The following ANGPT1 variants were observed in gnomAD, a reference collection of about 807,000 sequenced individuals.
ANGPT1 encodes angiopoietin 1, also known as angiopoietin-1.
Under a neutral mutation model 62.2 loss-of-function variants are expected in ANGPT1, and 17 were observed. The ratio of observed to expected loss-of-function variants is 0.27; its 90% confidence interval spans 0.19 to 0.41. ANGPT1 has a LOEUF of 0.41. Among genes scored for constraint, ANGPT1 ranks in the 10% least tolerant of loss-of-function variants. The pLI is 1.00. For synonymous variants in ANGPT1, 199 were observed against 198.9 expected (o/e 1.00, Z 0.00); for missense variants, 478 against 594.9 (o/e 0.80, Z 2.04).
chr8:107,274,951 A>G (rs889507121), intron 7 of ANGPT1, among the ~76,000 whole-genome samples: 1 of 152,122 alleles, frequency 6.6e-6, no homozygotes, highest in African/African-American at 2.4e-5. Flanking sequence ...TCTGATAAAG[A>G]CATGCCCAGA....
chr8:107,354,337 G>T (rs948763130), intron 1 of ANGPT1, among the ~76,000 whole-genome samples: 5 of 151,988 alleles, frequency 3.3e-5, no homozygotes, highest in Admixed American at 2.6e-4. Context: ...AGCACATTCA[G>T]CCAGGAGTCA....
At chr8:107,405,655 A>G (rs1236781944) in intron 1 of ANGPT1, among the ~76,000 whole-genome samples, 1 of 151,992 alleles carries the variant, frequency 6.6e-6, no homozygotes, top group Non-Finnish European at 1.5e-5. Flanking sequence ...CAAATATTCC[A>G]AAATCAGAAA....
intron 1 of ANGPT1, among the ~76,000 whole-genome samples, chr8:107,395,753 C>T (rs886530670): frequency 2.0e-5 from 3 of 152,068 alleles, no homozygotes; most frequent in African/African-American, 7.2e-5. Context: ...TTCACTTTAA[C>T]TTTGTCAGTT....
chr8:107,388,447 A>C (rs1292511846), intron 1 of ANGPT1, among the ~76,000 whole-genome samples: 1 of 152,098 alleles, frequency 6.6e-6, no homozygotes, highest in East Asian at 1.9e-4. Flanking sequence ...AAATAAATAA[A>C]TAAATAAAAC....
intron 1 of ANGPT1, among the ~76,000 whole-genome samples, chr8:107,458,084 A>G (rs560495181): frequency 6.6e-6 from 1 of 152,292 alleles, no homozygotes; most frequent in African/African-American, 2.4e-5. Context: ...AGTTGGGATT[A>G]CAACAATTAT....
chr8:107,361,753 G>A (rs1816170963), intron 1 of ANGPT1, among the ~76,000 whole-genome samples: 1 of 151,818 alleles, frequency 6.6e-6, no homozygotes, highest in South Asian at 2.1e-4. Context: ...AACACGGAAT[G>A]GTAGTTTAAA....
At chr8:107,430,943 G>GA (rs1811169707) in intron 1 of ANGPT1, among the ~76,000 whole-genome samples, 2 of 152,216 alleles carry the variant, frequency 1.3e-5, no homozygotes, top group Non-Finnish European at 2.9e-5. Flanking sequence ...CATATTCTTA[G>GA]AAAAGGCAGC....
chr8:107,483,874 T>C (rs1051141190), intron 1 of ANGPT1, among the ~76,000 whole-genome samples: 2 of 152,332 alleles, frequency 1.3e-5, no homozygotes, highest in East Asian at 3.9e-4. Flanking sequence ...AGCTCATTTA[T>C]TTAAAAAGAA....
chr8:107,251,806 T>G lies in ANGPT1; in HGVS notation c.*49A>C. ...TTCAAACAGTTTCTCACCTGGCAGC[T>G]TCTCCGGATTTCTTTGTTGCTTTCA... is the stretch of plus-strand genomic sequence containing the variant. On this transcript the variant is annotated 3_prime_UTR_variant, in exon 9 of 9. Coordinates refer to ENST00000517746, the MANE Select transcript of ANGPT1 (RefSeq NM_001146.5). 1 of 1,605,768 alleles carries G rather than the reference T, an allele frequency of 6.2e-7. No individual in the cohort carries two copies. Among genetic ancestry groups the G allele is most frequent in the South Asian group, 1.1e-5 (1 of 90,418 alleles).
At chr8:107,462,384 T>C (rs754861361) in intron 1 of ANGPT1, among the ~76,000 whole-genome samples, 48 of 151,386 alleles carry the variant, frequency 3.2e-4, no homozygotes, top group Admixed American at 1.6e-3. Flanking sequence ...ACTAGACAAT[T>C]TGGTTCAGCC....
At chr8:107,309,343 A>C (rs1814794732) in intron 4 of ANGPT1, among the ~76,000 whole-genome samples, 1 of 152,222 alleles carries the variant, frequency 6.6e-6, no homozygotes, top group Non-Finnish European at 1.5e-5. Flanking sequence ...TCAACACAAC[A>C]GGTCACTGAA....
At chr8:107,267,657 A>T (rs900394764) in intron 7 of ANGPT1, among the ~76,000 whole-genome samples, 6 of 152,048 alleles carry the variant, frequency 3.9e-5, no homozygotes, top group African/African-American at 1.4e-4. Context: ...GCATCTCATC[A>T]TTCCTCTATT....
chr8:107,398,081 A>G (rs1484837017), intron 1 of ANGPT1, among the ~76,000 whole-genome samples: 3 of 152,156 alleles, frequency 2.0e-5, no homozygotes, highest in Non-Finnish European at 2.9e-5. Flanking sequence ...TGAGGGTATT[A>G]TGGGAGGGAT....
At chr8:107,378,933 C>CATATAT (rs35844574) in intron 1 of ANGPT1, among the ~76,000 whole-genome samples, 6 of 148,392 alleles carry the variant, frequency 4.0e-5, no homozygotes, top group African/African-American at 1.5e-4. Flanking sequence ...TATACACATA[C>CATATAT]ATATATATAT....
At chr8:107,334,217 A>T (rs1815506823) in intron 3 of ANGPT1, among the ~76,000 whole-genome samples, 1 of 152,166 alleles carries the variant, frequency 6.6e-6, no homozygotes, top group Non-Finnish European at 1.5e-5. Context: ...TAATATGCAG[A>T]TCAGTAGGGA....
rs866144890 is a variant in ANGPT1, at chr8:107,282,596, G to A, written c.1205+2086C>T. Among the ~76,000 whole-genome samples the A allele has an allele frequency of 4.3e-3, 322 of 74,524 alleles. 2 individuals carry two copies. The highest frequency in any genetic ancestry group is 0.012 in the African/African-American group (232 of 19,594). The allele number at this position is 74,524 out of a possible 152,430, so 48.9% of individuals were successfully genotyped here. On this transcript the variant is annotated intron_variant, in intron 7 of 8. Transcript: ENST00000517746. ...TATATATATATATATATATATATAT[G>A]AGCCTCAGCTTTCCTTCCCATAAAA...
chr8:107,407,733 C>T (rs998994320), intron 1 of ANGPT1, among the ~76,000 whole-genome samples: 2 of 152,206 alleles, frequency 1.3e-5, no homozygotes, highest in Non-Finnish European at 2.9e-5. Flanking sequence ...CTCCCTCCTA[C>T]TCCCTGCCTT....
intron 1 of ANGPT1, among the ~76,000 whole-genome samples, chr8:107,427,192 T>A (rs1811062980): frequency 6.6e-6 from 1 of 152,170 alleles, no homozygotes; most frequent in Non-Finnish European, 1.5e-5. Context: ...TTGCATTAGT[T>A]AATAATACTC....
chr8:107,476,558 G>A (rs547223174), intron 1 of ANGPT1, among the ~76,000 whole-genome samples: 10 of 152,064 alleles, frequency 6.6e-5, no homozygotes, highest in Admixed American at 2.0e-4. Context: ...TGCACGTTGT[G>A]CACACGTACC....
Sources: allele counts gnomAD v4.1 joint callset (sites outside exome capture counted in the v4.1 genomes callset), GRCh38; gene constraint gnomAD v4.1.1; transcripts MANE v1.5; gene names NCBI Gene and HGNC (gene_info 2026-07-23, HGNC 2026-07-21).